The following HTR2A variants were observed in gnomAD, a reference collection of about 807,000 sequenced individuals.
The protein encoded by HTR2A is 5-hydroxytryptamine receptor 2A, also known as 5-HT2 receptor.
A neutral mutation model predicts 31.0 loss-of-function variants in HTR2A; 14 were observed. That is an observed-to-expected ratio of 0.45 (90% CI 0.30 to 0.71). The LOEUF (loss-of-function observed/expected upper bound fraction) is 0.71. Ranked by LOEUF, HTR2A falls within the 30% of genes least tolerant of loss-of-function variation. HTR2A has a pLI of 0.09. For synonymous variants in HTR2A, 209 were observed against 225.2 expected, an observed-to-expected ratio of 0.93 and a Z score of 0.64; for missense variants, 442 against 573.3, an observed-to-expected ratio of 0.77 and a Z score of 2.34.
At chr13:46,873,500 G>A (rs926764838) in intron 3 of HTR2A, among the ~76,000 whole-genome samples, 15 of 149,474 alleles carry the variant, frequency 1.0e-4, no homozygotes, top group African/African-American at 2.5e-4. Flanking sequence ...ACAATGTGCC[G>A]GTTAGTTACA....
At position 46,896,195 on chromosome 13, in the gene HTR2A, G is replaced by T; in HGVS notation, c.-289C>A. The T allele has an allele frequency of 8.5e-7, 1 of 1,170,968 alleles. No individual in the cohort carries two copies. Among genetic ancestry groups the T allele is most frequent in the Non-Finnish European group, 1.1e-6 (1 of 950,208 alleles). The allele number at this position is 1,170,968 out of a possible 1,614,324, so 72.5% of individuals were successfully genotyped here. A position where few individuals can be genotyped will look rare whatever the true frequency, so the allele number is the denominator to read the frequency against. On this transcript the variant is annotated 5_prime_UTR_variant, in exon 2 of 4. Transcript: ENST00000542664. Reference sequence around the variant, plus strand: ...AGCAGAATGAACTTTTAGCATAGAGGTTGCAGGGTTTTTTTTGAGCGCTCG... The same window carrying T: ...AGCAGAATGAACTTTTAGCATAGAGTTTGCAGGGTTTTTTTTGAGCGCTCG...
intron 3 of HTR2A, among the ~76,000 whole-genome samples, chr13:46,888,470 G>GAA (rs34023544): frequency 0.01 from 1,517 of 146,918 alleles, 19 homozygotes; most frequent in Middle Eastern, 0.038. Context: ...ATGAAGTGCT[G>GAA]AAAAAAAAAA....
At position 46,835,319 on chromosome 13, in the gene HTR2A, T is replaced by C. The variant is rs749574714; in HGVS notation, c.934A>G (p.Met312Val). 20 of 1,614,040 alleles carry C rather than the reference T, an allele frequency of 1.2e-5. 1 individual carries two copies. The South Asian group carries it at 1.9e-4, about 15-fold the overall frequency. Reference protein sequence around the residue: ...EPGSYTGRRTMQSISNEQKAC... With the variant: ...EPGSYTGRRTVQSISNEQKAC... ...TTTTGCTCATTGCTGATGGACTGCA[T>C]AGTCCTCCTGCCTGTGTAGGACCCT... is the stretch of plus-strand genomic sequence containing the variant. The change falls in exon 4 of 4, where the codon ATG (methionine) becomes GTG (valine). Residue 312 changes from methionine to valine, a missense_variant. Around this residue, in one of 5 missense-constraint regions of HTR2A, gnomAD observed 174 missense variants for 195.1 expected, o/e 0.89. Coordinates refer to ENST00000542664, the MANE Select transcript of HTR2A (RefSeq NM_000621.5).
At chr13:46,884,622 CCACTG>C (rs1950991895) in intron 3 of HTR2A, among the ~76,000 whole-genome samples, 1 of 152,150 alleles carries the variant, frequency 6.6e-6, no homozygotes, top group Non-Finnish European at 1.5e-5. Context: ...CATGATTGCA[CCACTG>C]CACTCCAGCC....
chr13:46,877,917 G>A (rs1478670365), intron 3 of HTR2A, among the ~76,000 whole-genome samples: 1 of 152,054 alleles, frequency 6.6e-6, no homozygotes, highest in East Asian at 1.9e-4. Flanking sequence ...AAGTGTGGGA[G>A]TGAAATGACA....
intron 3 of HTR2A, among the ~76,000 whole-genome samples, chr13:46,855,436 T>C (rs569886715): frequency 2.0e-5 from 3 of 152,248 alleles, no homozygotes; most frequent in South Asian, 4.1e-4. Flanking sequence ...GTGTGAGACA[T>C]AAATCAATCT....
At chr13:46,844,185 A>G (rs1950622316) in intron 3 of HTR2A, among the ~76,000 whole-genome samples, 1 of 152,154 alleles carries the variant, frequency 6.6e-6, no homozygotes, top group Non-Finnish European at 1.5e-5. Context: ...TTCTTTGTGT[A>G]TTGTAAGACA....
In HTR2A at chr13:46,832,443, A is replaced by AT. The variant is rs1876278713; in HGVS notation, c.*2393dup. The AT allele has an allele frequency of 6.6e-6, 1 of 152,218 alleles. No homozygotes were observed. Among genetic ancestry groups the AT allele is most frequent in the South Asian group, 2.1e-4 (1 of 4,832 alleles). The allele number at this position is 152,218 out of a possible 1,614,324, so 9.4% of individuals were successfully genotyped here. On this transcript the variant is annotated 3_prime_UTR_variant, in exon 4 of 4. Transcript: ENST00000542664. ...TTATGGAAGAAAAAAACACATACAC[A>AT]TTTGTAATATATAGGTAGTCAAAAG...
At position 46,833,296 on chromosome 13, in the gene HTR2A, G is replaced by A. The variant is rs1354834637; in HGVS notation, c.*1541C>T. On this transcript the variant is annotated 3_prime_UTR_variant, in exon 4 of 4. Transcript: ENST00000542664. ...AGGTAAGAAGGAAATAAGTTGAAAT[G>A]ATTCTAAAAATAAGTCTGTATATAT... The A allele has an allele frequency of 6.6e-6, 1 of 152,096 alleles. No individual in the cohort carries two copies. The highest frequency in any genetic ancestry group is 1.5e-5 in the Non-Finnish European group (1 of 68,014). The allele number at this position is 152,096 out of a possible 1,614,324, so 9.4% of individuals were successfully genotyped here.
intron 3 of HTR2A, among the ~76,000 whole-genome samples, chr13:46,872,042 C>T (rs969295940): frequency 3.3e-5 from 5 of 152,182 alleles, no homozygotes; most frequent in African/African-American, 1.2e-4. Flanking sequence ...GATATCTTTA[C>T]AATACCATGG....
At chr13:46,887,170 G>A (rs551757311) in intron 3 of HTR2A, among the ~76,000 whole-genome samples, 3 of 152,094 alleles carry the variant, frequency 2.0e-5, no homozygotes, top group East Asian at 1.9e-4. Flanking sequence ...CTGTAATCCC[G>A]GCACTTTGGG....
intron 3 of HTR2A, among the ~76,000 whole-genome samples, chr13:46,846,325 A>G (rs1046850887): frequency 1.3e-5 from 2 of 152,322 alleles, no homozygotes; most frequent in Admixed American, 6.5e-5. Context: ...ACAGCTGGCA[A>G]TTATAGAGAA....
intron 2 of HTR2A, among the ~76,000 whole-genome samples, chr13:46,893,431 C>T (rs1266654017): frequency 6.6e-6 from 1 of 152,172 alleles, no homozygotes; most frequent in Non-Finnish European, 1.5e-5. Flanking sequence ...CCAGGGACCA[C>T]GCTTTGTGAA....
chr13:46,866,212 G>C (rs1227168395), intron 3 of HTR2A, among the ~76,000 whole-genome samples: 1 of 152,150 alleles, frequency 6.6e-6, no homozygotes, highest in African/African-American at 2.4e-5. Context: ...CAATGCATCT[G>C]TGCTATTAGC....
At position 46,835,244 on chromosome 13, in the gene HTR2A, A is replaced by G; in HGVS notation, c.1009T>C (p.Cys337Arg). 2 of 1,614,122 alleles carry G rather than the reference A, an allele frequency of 1.2e-6. No homozygotes were observed. The highest frequency in any genetic ancestry group is 1.7e-6 in the Non-Finnish European group (2 of 1,180,002). Residue 337 changes from cysteine to arginine, a missense_variant, in exon 4 of 4, where the codon TGC becomes CGC. Physicochemically the swap from Cys to Arg is radical, Grantham distance 180. Transcript: ENST00000542664. Reference sequence around the variant, plus strand: ...ATGATGTTTGTGATGAAGAAAGGGCACCACATCACCACAAACAGGAAGAAG... The same window carrying G: ...ATGATGTTTGTGATGAAGAAAGGGCGCCACATCACCACAAACAGGAAGAAG... ...IVFFLFVVMW[C>R]PFFITNIMAV...
At chr13:46,837,874 C>T (rs1017740181) in intron 3 of HTR2A, among the ~76,000 whole-genome samples, 4 of 152,232 alleles carry the variant, frequency 2.6e-5, no homozygotes, top group Non-Finnish European at 2.9e-5. Context: ...CTTGCCTATG[C>T]AAGCCCATCC....
chr13:46,870,405 C>T lies in HTR2A; in HGVS notation c.613+21985G>A, dbSNP rs144495493. ...GCAGGTATTAAAGTCATTATAAAGC[C>T]CATGTAGAAAAACAAATTGACAATA... On this transcript the variant is annotated intron_variant, in intron 3 of 3. Coordinates refer to ENST00000542664, the MANE Select transcript of HTR2A (RefSeq NM_000621.5). 3.1e-3 allele frequency among the ~76,000 whole-genome samples: 471 copies of T among 152,084 alleles called. 4 individuals are homozygous for T. The highest frequency in any genetic ancestry group is 0.011 in the African/African-American group (446 of 41,500).
chr13:46,861,566 G>C (rs1950778670), intron 3 of HTR2A, among the ~76,000 whole-genome samples: 2 of 152,184 alleles, frequency 1.3e-5, no homozygotes, highest in Non-Finnish European at 2.9e-5. Flanking sequence ...TCAAAGATTT[G>C]TCTGTTTGGA....
At chr13:46,872,898 T>C (rs537080200) in intron 3 of HTR2A, among the ~76,000 whole-genome samples, 100 of 152,218 alleles carry the variant, frequency 6.6e-4, no homozygotes, top group African/African-American at 2.4e-3. Flanking sequence ...ATTATTATTA[T>C]TATTATTTTG....
Sources: allele counts gnomAD v4.1 joint callset (sites outside exome capture counted in the v4.1 genomes callset), GRCh38; gene constraint gnomAD v4.1.1; regional missense constraint gnomAD v4.1.1; transcripts MANE v1.5; gene names NCBI Gene and HGNC (gene_info 2026-07-23, HGNC 2026-07-21).